PCDHA2: variants seen among roughly 807,000 people sequenced by gnomAD.
PCDHA2 encodes the protein protocadherin alpha-2.
In PCDHA2, 58 loss-of-function variants were observed where a neutral mutation model predicts 66.0. The observed-to-expected ratio is 0.88, with a 90% confidence interval of 0.71 to 1.09. The LOEUF (loss-of-function observed/expected upper bound fraction) is 1.09, where lower values mean the gene tolerates loss of function less well. PCDHA2 is among the 50% of genes least tolerant of loss of function. PCDHA2 has a pLI of 0.00. For synonymous variants in PCDHA2, 634 were observed against 554.0 expected, an observed-to-expected ratio of 1.14 and a Z score of -2.03; for missense variants, 1,267 against 1,242.3, an observed-to-expected ratio of 1.02 and a Z score of -0.30.
intron 1 of PCDHA2, chr5:140,877,772 C>A (rs372461540): frequency 1.2e-6 from 2 of 1,614,152 alleles, no homozygotes; most frequent in Non-Finnish European, 1.7e-6. Context: ...CCGCCCAAGA[C>A]GGACCTCATG....
chr5:140,796,638 G>A lies in PCDHA2; in HGVS notation c.1674G>A (p.Glu558=). The A allele has an allele frequency of 6.2e-7, 1 of 1,613,800 alleles. No individual in the cohort carries two copies. The highest frequency in any genetic ancestry group is 1.1e-5 in the South Asian group (1 of 91,070). The change falls in exon 1 of 4, where the codon GAG becomes GAA. Residue 558 remains glutamate, a synonymous_variant. Coordinates refer to ENST00000526136, the MANE Select transcript of PCDHA2 (RefSeq NM_018905.3). ...CGCTGCAGGTGTTCGTGCTGGACGA[G>A]AACGACAACGCGCCGGCACTGTTGG... ...NVTLQVFVLD[E]NDNAPALLAP... is the part of the protein sequence containing the mutation.
chr5:140,847,895 A>G (rs1554141940), intron 1 of PCDHA2: 1 of 149,664 alleles, frequency 6.7e-6, no homozygotes, highest in African/African-American at 2.5e-5. Context: ...CTTTTTCATC[A>G]GTAGATTTCT....
chr5:140,867,947 C>T (rs1197822100), intron 1 of PCDHA2: 3 of 152,114 alleles, frequency 2.0e-5, no homozygotes, highest in East Asian at 1.9e-4. Context: ...TGAACTTCTG[C>T]TCCCAAACCC....
intron 1 of PCDHA2, among the ~76,000 whole-genome samples, chr5:140,880,783 G>A (rs1296382612): frequency 6.6e-6 from 1 of 152,154 alleles, no homozygotes; most frequent in Non-Finnish European, 1.5e-5. Flanking sequence ...GAATGTTAGA[G>A]GAGTAATATA....
chr5:140,999,265 A>G (rs1554256725), intron 3 of PCDHA2, among the ~76,000 whole-genome samples: 1 of 152,226 alleles, frequency 6.6e-6, no homozygotes, highest in African/African-American at 2.4e-5. Flanking sequence ...GTAAAGGAAT[A>G]CTGCATAGTA....
chr5:140,806,566 A>G (rs1416834474), intron 1 of PCDHA2, among the ~76,000 whole-genome samples: 1 of 152,202 alleles, frequency 6.6e-6, no homozygotes, highest in African/African-American at 2.4e-5. Context: ...TTCCCTGTCA[A>G]TAGCTTGTTC....
intron 1 of PCDHA2, chr5:140,817,391 G>A (rs924336993): frequency 6.6e-6 from 1 of 152,186 alleles, no homozygotes. Flanking sequence ...CATGGGAATT[G>A]GTCCTTGTAT....
At chr5:140,873,301 A>G (rs1463024301) in intron 1 of PCDHA2, among the ~76,000 whole-genome samples, 1 of 152,238 alleles carries the variant, frequency 6.6e-6, no homozygotes, top group Non-Finnish European at 1.5e-5. Flanking sequence ...TTATAAATAT[A>G]ATAAAGGTGA....
intron 1 of PCDHA2, chr5:140,848,211 A>T: frequency 2.8e-6 from 1 of 353,668 alleles, no homozygotes; most frequent in Non-Finnish European, 5.1e-6. Flanking sequence ...TCATTACTTA[A>T]GAAAAAATTA....
chr5:140,850,267 T>C, intron 1 of PCDHA2: 1 of 1,592,602 alleles, frequency 6.3e-7, no homozygotes, highest in Non-Finnish European at 8.6e-7. Flanking sequence ...GGCGTAGTGG[T>C]GGGGAAGGTG....
rs114741049 is a variant in PCDHA2, at chr5:140,830,663, G to C, written c.2388+33311G>C. ...TGCTTCTTTAATATTCATAATTTAAGTGAAATTAGAAATCACTGTCCACAA... is the reference window on the plus strand; with the variant it reads ...TGCTTCTTTAATATTCATAATTTAACTGAAATTAGAAATCACTGTCCACAA... On this transcript the variant is annotated intron_variant, in intron 1 of 3. Coordinates refer to ENST00000526136, the MANE Select transcript of PCDHA2 (RefSeq NM_018905.3). 2.0e-3 allele frequency: 827 copies of C among 406,220 alleles called. 12 individuals are homozygous for C. Among genetic ancestry groups the C allele is most frequent in the African/African-American group, 0.016 (756 of 47,898 alleles). 25.2% of individuals were successfully genotyped at this position (406,220 alleles called of 1,614,324 possible). A position where few individuals can be genotyped will look rare whatever the true frequency, so the allele number is the denominator to read the frequency against.
At chr5:140,879,025 A>G (rs557183400) in intron 1 of PCDHA2, among the ~76,000 whole-genome samples, 36 of 152,342 alleles carry the variant, frequency 2.4e-4, no homozygotes, top group African/African-American at 8.7e-4. Flanking sequence ...TGTTTTATTG[A>G]AGAGTGTCTT....
chr5:140,822,395 A>G (rs2150116000), intron 1 of PCDHA2: 1 of 1,614,144 alleles, frequency 6.2e-7, no homozygotes, highest in South Asian at 1.1e-5. Flanking sequence ...ACACAAGAAC[A>G]CCGTTTATTA....
At chr5:140,893,634 T>C (rs2064095604) in intron 1 of PCDHA2, among the ~76,000 whole-genome samples, 1 of 152,236 alleles carries the variant, frequency 6.6e-6, no homozygotes, top group Admixed American at 6.5e-5. Flanking sequence ...CTGCTTGGTA[T>C]AGTATTTTTG....
rs2098416866 is a variant in PCDHA2, at chr5:141,010,297, G to C, written c.*360G>C. 3 of 1,549,050 alleles carry C rather than the reference G, an allele frequency of 1.9e-6. No individual in the cohort carries two copies. The South Asian group carries it at 3.6e-5, about 19-fold the overall frequency. On this transcript the variant is annotated 3_prime_UTR_variant, in exon 4 of 4. Transcript: ENST00000526136. ...TGTCTTGATGACACTTGCAGGGCAGGCTGAAAAGTTTTGAGATTGAGCAGC... is the reference window on the plus strand; with the variant it reads ...TGTCTTGATGACACTTGCAGGGCAGCCTGAAAAGTTTTGAGATTGAGCAGC...
intron 1 of PCDHA2, chr5:140,870,710 CGCGCGATGCGG>C (rs1554164626): frequency 1.2e-6 from 2 of 1,612,974 alleles, no homozygotes; most frequent in African/African-American, 2.7e-5. Context: ...CAGGTGAGCG[CGCGCGATGCGG>C]GCGTGCCGCC....
intron 1 of PCDHA2, among the ~76,000 whole-genome samples, chr5:140,832,729 C>T (rs1170973307): frequency 1.1e-4 from 17 of 152,054 alleles, no homozygotes; most frequent in African/African-American, 4.1e-4. Context: ...AGGTAAGTAT[C>T]CTACATAAAT....
chr5:140,844,208 T>C (rs1779271586), intron 1 of PCDHA2, among the ~76,000 whole-genome samples: 1 of 149,848 alleles, frequency 6.7e-6, no homozygotes, highest in African/African-American at 2.4e-5. Context: ...TAGTGTCTGG[T>C]AGTCACAAAT....
At chr5:140,882,717 C>T (rs1311295002) in intron 1 of PCDHA2, 1 of 1,614,102 alleles carries the variant, frequency 6.2e-7, no homozygotes, top group Non-Finnish European at 8.5e-7. Context: ...CCTCCGGAAA[C>T]TCGATTTCCA....
Sources: allele counts gnomAD v4.1 joint callset (sites outside exome capture counted in the v4.1 genomes callset), GRCh38; gene constraint gnomAD v4.1.1; transcripts MANE v1.5; gene names NCBI Gene and HGNC (gene_info 2026-07-23, HGNC 2026-07-21).